GRM8: variants seen among roughly 807,000 people sequenced by gnomAD.
The protein encoded by GRM8 is metabotropic glutamate receptor 8.
A neutral mutation model predicts 87.2 loss-of-function variants in GRM8; 47 were observed. That is an observed-to-expected ratio of 0.54 (90% confidence interval 0.43 to 0.69). The LOEUF is 0.69. GRM8 is among the 30% of genes least tolerant of loss of function. The probability of loss-of-function intolerance (pLI) is 0.00; values close to 1 mark genes in which losing one functional copy is unlikely to be tolerated. For missense variants in GRM8, 1,019 were observed against 1,139.2 expected (o/e 0.89, Z 1.52); for synonymous variants, 396 against 404.5 (o/e 0.98, Z 0.25).
intron 6 of GRM8, among the ~76,000 whole-genome samples, chr7:126,775,486 T>TTTTTTGTTTTTTG (rs1819349944): frequency 1.3e-4 from 8 of 59,702 alleles, no homozygotes; most frequent in African/African-American, 3.3e-4. Context: ...TAGGTTTTTT[T>TTTTTTGTTTTTTG]TTTTTTTTTT....
chr7:126,828,168 A>G lies in GRM8; in HGVS notation c.1157-58103T>C, dbSNP rs555667720. On this transcript the variant is annotated intron_variant, in intron 6 of 10. Coordinates refer to ENST00000339582, the MANE Select transcript of GRM8 (RefSeq NM_000845.3). The stretch of plus-strand genomic sequence containing the variant: ...TGTTCATCAAGGATATTGGTCTAAA[A>G]TTCTCTTTTTTGGTTGTGTCTCTGC... Among the ~76,000 whole-genome samples the G allele has an allele frequency of 1.4e-4, 22 of 152,146 alleles. No individual in the cohort carries two copies. The South Asian group carries it at 4.6e-3, about 32-fold the overall frequency.
chr7:126,550,818 G>T (rs1298334954), intron 8 of GRM8, among the ~76,000 whole-genome samples: 1 of 151,442 alleles, frequency 6.6e-6, no homozygotes, highest in Non-Finnish European at 1.5e-5. Flanking sequence ...AATAATAAAA[G>T]ACTTAGAAAC....
chr7:126,567,993 C>T (rs1457244834), intron 8 of GRM8, among the ~76,000 whole-genome samples: 5 of 152,132 alleles, frequency 3.3e-5, no homozygotes, highest in African/African-American at 1.2e-4. Context: ...GCTATGGAAT[C>T]TGCACTCAAC....
At chr7:126,694,040 T>G (rs1483440735) in intron 7 of GRM8, among the ~76,000 whole-genome samples, 1 of 151,954 alleles carries the variant, frequency 6.6e-6, no homozygotes, top group Non-Finnish European at 1.5e-5. Flanking sequence ...TATTAAACGT[T>G]TCTCTTATAT....
At chr7:127,026,688 A>G (rs1044913775) in intron 3 of GRM8, among the ~76,000 whole-genome samples, 1 of 151,098 alleles carries the variant, frequency 6.6e-6, no homozygotes, top group African/African-American at 2.4e-5. Flanking sequence ...CCACTTTTTG[A>G]TGGTTTTTTC....
chr7:126,826,318 C>G (rs142638804), intron 6 of GRM8, among the ~76,000 whole-genome samples: 2,546 of 152,276 alleles, frequency 0.017, 62 homozygotes, highest in African/African-American at 0.058. Context: ...AATGGTTGAA[C>G]TAGTTTACAG....
At chr7:127,128,840 C>T (rs904148667) in intron 2 of GRM8, among the ~76,000 whole-genome samples, 11 of 152,020 alleles carry the variant, frequency 7.2e-5, no homozygotes, top group Non-Finnish European at 1.5e-4. Context: ...TTATATCTAC[C>T]TTCTGAATTT....
intron 9 of GRM8, among the ~76,000 whole-genome samples, chr7:126,489,194 C>G (rs1183794987): frequency 6.6e-6 from 1 of 151,980 alleles, no homozygotes; most frequent in Non-Finnish European, 1.5e-5. Context: ...AATGCTTATC[C>G]CCGTTCTGAT....
chr7:126,799,393 A>G (rs929675053), intron 6 of GRM8, among the ~76,000 whole-genome samples: 3 of 152,146 alleles, frequency 2.0e-5, no homozygotes, highest in African/African-American at 7.2e-5. Flanking sequence ...AGTAGTGAGG[A>G]GCATGTTGGT....
chr7:126,727,756 A>ACTATAGG (rs1813169427), intron 7 of GRM8, among the ~76,000 whole-genome samples: 1 of 150,916 alleles, frequency 6.6e-6, no homozygotes. Context: ...AAAAAACAAA[A>ACTATAGG]CTATAGGTCC....
chr7:126,539,127 C>T (rs967687550), intron 8 of GRM8, among the ~76,000 whole-genome samples: 18 of 151,332 alleles, frequency 1.2e-4, no homozygotes, highest in Admixed American at 7.2e-4. Flanking sequence ...TTTAAAAGTG[C>T]GAAGACTTCT....
rs1301539182 is a variant in GRM8 at position 126,904,170 on chromosome 7, AT to A, written c.864-45del. On this transcript the variant is annotated intron_variant, in intron 4 of 10. Coordinates refer to ENST00000339582, the MANE Select transcript of GRM8 (RefSeq NM_000845.3). ...ATAATGCATATCACATGTATTAAAAATACCACAATTATGAATATTACAAGAC... is the reference window on the plus strand; with the variant it reads ...ATAATGCATATCACATGTATTAAAAAACCACAATTATGAATATTACAAGAC... The A allele has an allele frequency of 2.0e-6, 3 of 1,487,028 alleles. No homozygotes were observed. In the African/African-American group the frequency reaches 4.2e-5, roughly 21 times the overall value. The allele number at this position is 1,487,028 out of a possible 1,614,324, so 92.1% of individuals were successfully genotyped here.
At chr7:126,949,760 T>G (rs1037779637) in intron 3 of GRM8, among the ~76,000 whole-genome samples, 29 of 152,198 alleles carry the variant, frequency 1.9e-4, no homozygotes, top group Non-Finnish European at 7.4e-5. Context: ...CCAGCAATAC[T>G]TCTTGCATAA....
chr7:126,653,592 T>G (rs952650140), intron 7 of GRM8, among the ~76,000 whole-genome samples: 2 of 152,190 alleles, frequency 1.3e-5, no homozygotes, highest in African/African-American at 4.8e-5. Context: ...GCTTACTTTA[T>G]CAAAGTGGTT....
At chr7:126,946,006 C>T (rs764808091) in intron 3 of GRM8, among the ~76,000 whole-genome samples, 1 of 152,180 alleles carries the variant, frequency 6.6e-6, no homozygotes, top group Non-Finnish European at 1.5e-5. Context: ...AGTGAAGCCT[C>T]AATTAATGTC....
intron 2 of GRM8, among the ~76,000 whole-genome samples, chr7:127,134,416 G>A (rs937793881): frequency 6.6e-6 from 1 of 152,130 alleles, no homozygotes; most frequent in African/African-American, 2.4e-5. Context: ...ATATCACCTT[G>A]ACTTGTTAAA....
intron 9 of GRM8, among the ~76,000 whole-genome samples, chr7:126,453,900 T>C (rs996709139): frequency 1.3e-5 from 2 of 151,778 alleles, no homozygotes; most frequent in Admixed American, 6.6e-5. Flanking sequence ...GTCTACTCTC[T>C]CAGTGCTTAT....
At chr7:127,170,993 T>TA (rs368145132) in intron 2 of GRM8, among the ~76,000 whole-genome samples, 3 of 151,432 alleles carry the variant, frequency 2.0e-5, no homozygotes, top group East Asian at 1.9e-4. Context: ...CATATTGAAA[T>TA]AAAAAAAATG....
At chr7:126,524,775 G>A (rs1479447253) in intron 9 of GRM8, among the ~76,000 whole-genome samples, 2 of 151,824 alleles carry the variant, frequency 1.3e-5, no homozygotes, top group South Asian at 2.1e-4. Flanking sequence ...CAGCACATCT[G>A]TTCAGCTTTT....
Sources: gnomAD v4.1 joint callset for allele counts (sites outside exome capture counted in the v4.1 genomes callset) on GRCh38, gnomAD v4.1.1 for gene constraint, MANE v1.5 for transcripts, NCBI Gene and HGNC (gene_info 2026-07-23, HGNC 2026-07-21) for gene names.